CTNNA3: variants seen among roughly 807,000 people sequenced by gnomAD.
CTNNA3 encodes the protein catenin alpha-3.
CTNNA3 carries 76 observed loss-of-function variants against 95.7 expected under a neutral mutation model. The ratio of observed to expected loss-of-function variants is 0.79; its 90% CI spans 0.66 to 0.96. The LOEUF is 0.96. Among genes scored for constraint, CTNNA3 ranks in the 40% least tolerant of loss-of-function variants. The pLI, the probability that CTNNA3 is intolerant of heterozygous loss-of-function variation, is 0.00. For missense variants in CTNNA3, 1,191 were observed against 1,089.8 expected (o/e 1.09, Z -1.31); for synonymous variants, 431 against 374.4 (o/e 1.15, Z -1.74).
chr10:67,250,515 A>C lies in CTNNA3; in HGVS notation c.580-30645T>G, dbSNP rs1866067520. On this transcript the variant is annotated intron_variant, in intron 5 of 17. Coordinates refer to ENST00000433211, the MANE Select transcript of CTNNA3 (RefSeq NM_013266.4). ...CAGGCATGAGCCACCGCGCCCGGCC[A>C]CAGAGGGCCAACTTTTTATACACAT... Among the ~76,000 whole-genome samples the C allele has an allele frequency of 2.0e-5, 3 of 152,064 alleles. No homozygotes were observed. In the South Asian group the frequency reaches 6.2e-4, roughly 31 times the overall value.
chr10:67,709,812 C>T (rs1246512809), intron 1 of CTNNA3, among the ~76,000 whole-genome samples: 1 of 152,134 alleles, frequency 6.6e-6, no homozygotes, highest in Non-Finnish European at 1.5e-5. Context: ...TTCCCACTTG[C>T]CCATGCTGTA....
At chr10:66,234,218 C>T (rs2089740457) in intron 13 of CTNNA3, among the ~76,000 whole-genome samples, 2 of 152,082 alleles carry the variant, frequency 1.3e-5, no homozygotes, top group Admixed American at 1.3e-4. Context: ...TTATTTTACA[C>T]TTCTTTTTAC....
chr10:67,084,437 AG>A (rs1473213165), intron 7 of CTNNA3, among the ~76,000 whole-genome samples: 1 of 151,976 alleles, frequency 6.6e-6, no homozygotes, highest in Non-Finnish European at 1.5e-5. Flanking sequence ...TCTGAAGTGG[AG>A]AACCAAATAT....
At chr10:66,706,333 C>G (rs1444339835) in intron 9 of CTNNA3, among the ~76,000 whole-genome samples, 3 of 151,602 alleles carry the variant, frequency 2.0e-5, no homozygotes, top group African/African-American at 7.3e-5. Context: ...TTAATCTACT[C>G]ATTGTTGTCA....
At position 67,571,425 on chromosome 10, in the gene CTNNA3, A is replaced by G. The variant is rs142632018; in HGVS notation, c.293-31756T>C. Among the ~76,000 whole-genome samples the G allele has an allele frequency of 2.7e-3, 415 of 152,308 alleles. 4 individuals are homozygous for G. The highest frequency in any genetic ancestry group is 9.5e-3 in the African/African-American group (396 of 41,558). ...TTCTCTAGTACAGCCTCAAACTGTGATCCTTGGAAAACAAGTGTTTCTAGA... is the reference window on the plus strand; with the variant it reads ...TTCTCTAGTACAGCCTCAAACTGTGGTCCTTGGAAAACAAGTGTTTCTAGA... On this transcript the variant is annotated intron_variant, in intron 3 of 17. Coordinates refer to ENST00000433211, the MANE Select transcript of CTNNA3 (RefSeq NM_013266.4).
At chr10:67,058,139 C>T (rs1426995478) in intron 7 of CTNNA3, among the ~76,000 whole-genome samples, 1 of 152,090 alleles carries the variant, frequency 6.6e-6, no homozygotes, top group Non-Finnish European at 1.5e-5. Context: ...TTTAATACCT[C>T]GAATTACAGT....
chr10:67,286,187 C>T (rs1839597490), intron 5 of CTNNA3, among the ~76,000 whole-genome samples: 2 of 152,184 alleles, frequency 1.3e-5, no homozygotes, highest in Non-Finnish European at 2.9e-5. Flanking sequence ...CTTAGCTCTC[C>T]AAGTCAATTT....
At chr10:66,768,222 C>A (rs1487619802) in intron 8 of CTNNA3, among the ~76,000 whole-genome samples, 1 of 152,026 alleles carries the variant, frequency 6.6e-6, no homozygotes, top group Non-Finnish European at 1.5e-5. Flanking sequence ...ATAATTAGGA[C>A]ATGTAGATTA....
chr10:67,576,166 G>T (rs540653782), intron 3 of CTNNA3, among the ~76,000 whole-genome samples: 1 of 152,280 alleles, frequency 6.6e-6, no homozygotes, highest in African/African-American at 2.4e-5. Context: ...ATTATACATA[G>T]ACTTTAGCAG....
intron 1 of CTNNA3, among the ~76,000 whole-genome samples, chr10:67,703,423 C>T (rs1000927880): frequency 1.3e-5 from 2 of 152,114 alleles, no homozygotes; most frequent in Admixed American, 1.3e-4. Flanking sequence ...AAAGCTTATC[C>T]ACCATGATCA....
chr10:67,728,635 A>G (rs1466234343), intron 1 of CTNNA3, among the ~76,000 whole-genome samples: 1 of 151,646 alleles, frequency 6.6e-6, no homozygotes, highest in African/African-American at 2.4e-5. Flanking sequence ...AATTACACTT[A>G]ATTATTATGT....
rs567606212 is a variant in CTNNA3, at chr10:67,294,242, A to C, written c.580-74372T>G. Among the ~76,000 whole-genome samples the C allele has an allele frequency of 5.9e-5, 9 of 152,340 alleles. No individual in the cohort carries two copies. In the South Asian group the frequency reaches 1.9e-3, roughly 32 times the overall value. ...AAAAAATAAATCAATGAGTATTTAG[A>C]GACCCAAATATATATAAGGAAATCT... On this transcript the variant is annotated intron_variant, in intron 5 of 17. Transcript: ENST00000433211.
intron 6 of CTNNA3, among the ~76,000 whole-genome samples, chr10:67,215,879 G>A (rs1343896511): frequency 6.6e-6 from 1 of 152,092 alleles, no homozygotes; most frequent in Non-Finnish European, 1.5e-5. Flanking sequence ...TTGAAAAGCA[G>A]CTACCCCATC....
At chr10:66,466,838 T>C (rs1420781904) in intron 11 of CTNNA3, among the ~76,000 whole-genome samples, 14 of 152,152 alleles carry the variant, frequency 9.2e-5, no homozygotes, top group Admixed American at 6.6e-4. Context: ...TGCATGTCAA[T>C]GCTTGAAAAG....
chr10:66,122,365 G>A (rs1197875367), intron 13 of CTNNA3, among the ~76,000 whole-genome samples: 2 of 152,230 alleles, frequency 1.3e-5, no homozygotes, highest in Non-Finnish European at 2.9e-5. Flanking sequence ...ATTAGAAAAG[G>A]TGTAACATAC....
At chr10:67,413,455 C>T (rs1256368887) in intron 5 of CTNNA3, among the ~76,000 whole-genome samples, 1 of 152,066 alleles carries the variant, frequency 6.6e-6, no homozygotes, top group Non-Finnish European at 1.5e-5. Flanking sequence ...ACAACTTCTT[C>T]TTGGCCTAGG....
intron 7 of CTNNA3, among the ~76,000 whole-genome samples, chr10:67,033,059 A>G (rs1305749150): frequency 6.6e-6 from 1 of 152,126 alleles, no homozygotes; most frequent in Non-Finnish European, 1.5e-5. Context: ...GATAACAGCT[A>G]TTTTTTTCCA....
chr10:66,911,770 A>G (rs1313698048), intron 7 of CTNNA3, among the ~76,000 whole-genome samples: 1 of 152,198 alleles, frequency 6.6e-6, no homozygotes, highest in East Asian at 1.9e-4. Context: ...TGGTATTACT[A>G]CAATATTTTC....
At chr10:67,137,264 T>C (rs995193014) in intron 7 of CTNNA3, among the ~76,000 whole-genome samples, 1 of 151,878 alleles carries the variant, frequency 6.6e-6, no homozygotes, top group African/African-American at 2.4e-5. Flanking sequence ...ATATTGTTTA[T>C]ATATTGTTTT....
Sources: gnomAD v4.1 joint callset for allele counts (sites outside exome capture counted in the v4.1 genomes callset) on GRCh38, gnomAD v4.1.1 for gene constraint, MANE v1.5 for transcripts, NCBI Gene and HGNC (gene_info 2026-07-23, HGNC 2026-07-21) for gene names.